The following MTAP variants were observed in gnomAD, a reference collection of about 807,000 sequenced individuals.
MTAP encodes S-methyl-5'-thioadenosine phosphorylase.
In MTAP, 33 loss-of-function variants were observed where a neutral mutation model predicts 33.6. The ratio of observed to expected loss-of-function variants is 0.98; its 90% CI spans 0.74 to 1.31. The LOEUF is 1.31. Ranked by LOEUF, MTAP falls within the 40% of genes most tolerant of loss-of-function variation. The pLI is 0.00. For synonymous variants in MTAP, 148 were observed against 125.7 expected (o/e 1.18, Z -1.19); for missense variants, 367 against 360.0 (o/e 1.02, Z -0.16).
At chr9:21,898,198 G>C (rs1226694160) in intron 1 of MTAP, among the ~76,000 whole-genome samples, 2 of 152,162 alleles carry the variant, frequency 1.3e-5, no homozygotes, top group Non-Finnish European at 2.9e-5. Flanking sequence ...GCTGAACCTG[G>C]ATCCCTTCCT....
intron 1 of MTAP, among the ~76,000 whole-genome samples, chr9:21,880,537 A>AGGTTG (rs1405506718): frequency 2.6e-5 from 4 of 152,128 alleles, no homozygotes; most frequent in Non-Finnish European, 5.9e-5. Flanking sequence ...ACTAGAACTA[A>AGGTTG]TAAACAAGCT....
chr9:21,904,992 G>A (rs540186172), intron 1 of MTAP, among the ~76,000 whole-genome samples: 1 of 152,188 alleles, frequency 6.6e-6, no homozygotes, highest in East Asian at 1.9e-4. Flanking sequence ...GCATTTTTGG[G>A]GCTCCAACTC....
chr9:21,886,077 C>T (rs1161861587), intron 1 of MTAP, among the ~76,000 whole-genome samples: 2 of 151,730 alleles, frequency 1.3e-5, no homozygotes, highest in African/African-American at 4.8e-5. Context: ...ACATGCCCAC[C>T]AGCAATGTAA....
downstream of MTAP, among the ~76,000 whole-genome samples, chr9:21,868,419 A>T (rs988626051): frequency 6.6e-6 from 1 of 152,306 alleles, no homozygotes; most frequent in East Asian, 1.9e-4. Context: ...AAATGGGTTA[A>T]GTATATCTAA....
downstream of MTAP, chr9:21,867,123 C>T (rs1825864806): frequency 6.6e-6 from 1 of 152,056 alleles, no homozygotes; most frequent in South Asian, 2.1e-4. Flanking sequence ...CTTAGGGATA[C>T]CTTGTGTACA....
At chr9:21,859,647 T>C (rs891449650) in intron 7 of MTAP, 3 of 418,568 alleles carry the variant, frequency 7.2e-6, no homozygotes, top group Admixed American at 8.8e-5. Context: ...GTTGAGAGAG[T>C]TTTATTATCT....
intron 1 of MTAP, among the ~76,000 whole-genome samples, chr9:21,909,545 A>G (rs1222808371): frequency 2.0e-5 from 3 of 152,152 alleles, no homozygotes; most frequent in Non-Finnish European, 4.4e-5. Flanking sequence ...AGTGTGTTAT[A>G]TTTCTAAGGC....
At chr9:21,803,032 A>G in intron 1 of MTAP, 1 of 1,009,990 alleles carries the variant, frequency 9.9e-7, no homozygotes, top group Non-Finnish European at 1.3e-6. Context: ...ACACACACAC[A>G]CACACCACCT....
intron 1 of MTAP, among the ~76,000 whole-genome samples, chr9:21,919,379 T>G (rs1818748411): frequency 1.3e-5 from 2 of 152,206 alleles, no homozygotes; most frequent in South Asian, 2.1e-4. Context: ...TTAACTTCAT[T>G]CATAAAAATT....
chr9:21,884,052 G>A (rs1230469436), intron 1 of MTAP, among the ~76,000 whole-genome samples: 1 of 151,956 alleles, frequency 6.6e-6, no homozygotes, highest in East Asian at 1.9e-4. Context: ...ATTGCAAGAA[G>A]TTTCTTTATC....
chr9:21,897,270 T>C (rs1472131068), intron 1 of MTAP, among the ~76,000 whole-genome samples: 3 of 152,136 alleles, frequency 2.0e-5, no homozygotes, highest in Non-Finnish European at 2.9e-5. Flanking sequence ...CCACAGCCAA[T>C]ATCATACTGA....
chr9:21,890,538 C>T (rs1185990153), intron 1 of MTAP, among the ~76,000 whole-genome samples: 3 of 152,096 alleles, frequency 2.0e-5, no homozygotes, highest in Non-Finnish European at 4.4e-5. Context: ...TGGTTCTTTC[C>T]GAATTCCACT....
At chr9:21,817,077 T>G (rs1186204797) in intron 3 of MTAP, among the ~76,000 whole-genome samples, 1 of 152,150 alleles carries the variant, frequency 6.6e-6, no homozygotes, top group Non-Finnish European at 1.5e-5. Flanking sequence ...CTTATAAAGA[T>G]AAAGAAAAAC....
intron 1 of MTAP, among the ~76,000 whole-genome samples, chr9:21,926,224 C>A (rs1382157038): frequency 6.6e-6 from 1 of 152,176 alleles, no homozygotes; most frequent in African/African-American, 2.4e-5. Context: ...TTGTAGAAGG[C>A]AGCTTCCTCT....
chr9:21,894,025 A>C (rs909815032), intron 1 of MTAP, among the ~76,000 whole-genome samples: 1 of 152,016 alleles, frequency 6.6e-6, no homozygotes, highest in Admixed American at 6.6e-5. Context: ...AACGAAATCC[A>C]GCATTGTATC....
chr9:21,858,871 G>C (rs1439193146), intron 6 of MTAP: 1 of 155,934 alleles, frequency 6.4e-6, no homozygotes, highest in Non-Finnish European at 1.4e-5. Flanking sequence ...TTCTTAGTCT[G>C]TCTGGACTGT....
At position 21,861,908 on chromosome 9, in the gene MTAP, T is replaced by G. The variant is rs556788598; in HGVS notation, c.814-68T>G. The G allele has an allele frequency of 4.2e-6, 4 of 949,462 alleles. No homozygotes were observed. The East Asian group carries it at 9.5e-5, about 23-fold the overall frequency. 58.8% of individuals were successfully genotyped at this position (949,462 alleles called of 1,614,324 possible). ...GATCTAGAAAATCAAAATCTGTTTT[T>G]TTTTTTAACAAACATCTCAGTAATT... On this transcript the variant is annotated intron_variant, in intron 7 of 7. Coordinates refer to ENST00000644715, the MANE Select transcript of MTAP (RefSeq NM_002451.4).
At chr9:21,891,671 G>A (rs1818202604) in intron 1 of MTAP, among the ~76,000 whole-genome samples, 1 of 152,296 alleles carries the variant, frequency 6.6e-6, no homozygotes, top group African/African-American at 2.4e-5. Flanking sequence ...GGCAGAAAGG[G>A]AGCAAGAGCA....
At position 21,847,221 on chromosome 9, in the gene MTAP, C is replaced by T. The variant is rs147727848; in HGVS notation, c.451-7410C>T. 6.8e-3 allele frequency among the ~76,000 whole-genome samples: 1,030 copies of T among 152,278 alleles called. 19 individuals are homozygous for T. The highest frequency in any genetic ancestry group is 0.054 in the East Asian group (277 of 5,164). On this transcript the variant is annotated intron_variant, in intron 5 of 7. Transcript: ENST00000644715. ...CTCTCCTTGCTCCTCAGCCTGCAGA[C>T]GGCCTATTGTGGGACCTTGTGATAA...
Sources: allele counts gnomAD v4.1 joint callset (sites outside exome capture counted in the v4.1 genomes callset), GRCh38; gene constraint gnomAD v4.1.1; transcripts MANE v1.5; gene names NCBI Gene and HGNC (gene_info 2026-07-23, HGNC 2026-07-21).